Variants in PCDHA3 observed in about 807,000 individuals in gnomAD.
The protein encoded by PCDHA3 is protocadherin alpha-3.
Under a neutral mutation model 62.2 loss-of-function variants are expected in PCDHA3, and 41 were observed. The observed-to-expected ratio is 0.66, with a 90% confidence interval of 0.51 to 0.86. The LOEUF (loss-of-function observed/expected upper bound fraction) is 0.86. Ranked by LOEUF, PCDHA3 falls within the 40% of genes least tolerant of loss-of-function variation. The probability of loss-of-function intolerance (pLI) is 0.00; values close to 1 mark genes in which losing one functional copy is unlikely to be tolerated. For synonymous variants in PCDHA3, 640 were observed against 555.4 expected, an observed-to-expected ratio of 1.15 and a Z score of -2.14; for missense variants, 1,304 against 1,241.2, an observed-to-expected ratio of 1.05 and a Z score of -0.76.
At chr5:140,813,102 C>T (rs2126643889) in intron 1 of PCDHA3, 4 of 152,228 alleles carry the variant, frequency 2.6e-5, no homozygotes, top group African/African-American at 9.6e-5. Flanking sequence ...CTTGAGAAGA[C>T]TGTATATTTG....
At chr5:140,900,954 A>T (rs942765998) in intron 1 of PCDHA3, among the ~76,000 whole-genome samples, 3 of 152,204 alleles carry the variant, frequency 2.0e-5, no homozygotes, top group Non-Finnish European at 2.9e-5. Context: ...TTCTCTGATT[A>T]TCAGTGATGT....
chr5:140,879,097 G>T (rs2057851255), intron 1 of PCDHA3, among the ~76,000 whole-genome samples: 1 of 152,214 alleles, frequency 6.6e-6, no homozygotes, highest in Non-Finnish European at 1.5e-5. Flanking sequence ...CAACTGCACA[G>T]TATATGGTGT....
chr5:140,850,685 C>G lies in PCDHA3; in HGVS notation c.2394+47094C>G, dbSNP rs1390345550. ...GGTGCTCGGCGATGCCCACCGAGGGCGAGTGCGCGCCTGGCAAGCCGACGC... is the reference window on the plus strand; with the variant it reads ...GGTGCTCGGCGATGCCCACCGAGGGGGAGTGCGCGCCTGGCAAGCCGACGC... On this transcript the variant is annotated intron_variant, in intron 1 of 3. Transcript: ENST00000522353. 25 of 1,598,270 alleles carry G rather than the reference C, an allele frequency of 1.6e-5. 2 individuals are homozygous for G. The highest frequency in any genetic ancestry group is 1.7e-4 in the Middle Eastern group (1 of 6,016).
chr5:140,946,634 A>ATATAT (rs1554217761), intron 1 of PCDHA3, among the ~76,000 whole-genome samples: 3 of 147,374 alleles, frequency 2.0e-5, no homozygotes, highest in Admixed American at 6.8e-5. Context: ...ATATATATAC[A>ATATAT]ATGGAATACT....
In PCDHA3 at chr5:140,872,829, G is replaced by GA. The variant is rs1562676145; in HGVS notation, c.2394+69244dup. ...AAGTTTTTCAGATTCATCTAGCAGA[G>GA]AAAAAATTAAATATATTAATGTGAG... is the stretch of plus-strand genomic sequence containing the variant. On this transcript the variant is annotated intron_variant, in intron 1 of 3. Transcript: ENST00000522353. Among the ~76,000 whole-genome samples, 5 of 152,156 alleles carry GA rather than the reference G, an allele frequency of 3.3e-5. No homozygotes were observed. The South Asian group carries it at 8.3e-4, about 25-fold the overall frequency.
rs782773036 is a variant in PCDHA3 at position 140,870,430 on chromosome 5, G to T, written c.2394+66839G>T. 3 of 1,614,226 alleles carry T rather than the reference G, an allele frequency of 1.9e-6. No homozygotes were observed. In the African/African-American group the frequency reaches 4.0e-5, roughly 22 times the overall value. The stretch of plus-strand genomic sequence containing the variant: ...GTGGGCCACGGCCAGGGTATCCGTG[G>T]AGGTGGCCGACGTGAACGACAATGC... On this transcript the variant is annotated intron_variant, in intron 1 of 3. Transcript: ENST00000522353.
chr5:140,855,491 A>G (rs251361), intron 1 of PCDHA3, among the ~76,000 whole-genome samples: 72,952 of 149,084 alleles, frequency 0.49, 20,776 homozygotes, highest in South Asian at 0.61. Flanking sequence ...TTAGTGTCTA[A>G]ATAAACCTTA....
At chr5:140,987,690 T>C (rs4912736) in intron 3 of PCDHA3, among the ~76,000 whole-genome samples, 37,365 of 152,116 alleles carry the variant, frequency 0.25, 5,761 homozygotes, top group East Asian at 0.43. Context: ...AGTAGCTATT[T>C]TTAAATGATT....
chr5:140,932,373 A>T (rs927239233), intron 1 of PCDHA3, among the ~76,000 whole-genome samples: 1 of 151,942 alleles, frequency 6.6e-6, no homozygotes, highest in Non-Finnish European at 1.5e-5. Flanking sequence ...AAATTTCCAC[A>T]TGAAAGTTAT....
At position 140,927,036 on chromosome 5, in the gene PCDHA3, C is replaced by A. The variant is rs137875923; in HGVS notation, c.2395-51913C>A. On this transcript the variant is annotated intron_variant, in intron 1 of 3. Transcript: ENST00000522353. ...CCGCGGACTTGAGGCTGCCAGCGGC[C>A]GCTATGTCCTCGCGGAACTTTCGCT... 9.3e-6 allele frequency: 15 copies of A among 1,612,314 alleles called. No homozygotes were observed. In the East Asian group the frequency reaches 3.3e-4, roughly 36 times the overall value.
intron 1 of PCDHA3, chr5:140,876,809 C>T (rs1554168959): frequency 6.2e-7 from 1 of 1,614,200 alleles, no homozygotes; most frequent in Admixed American, 1.7e-5. Flanking sequence ...GTGGAGGTGG[C>T]CGACGTGAAC....
chr5:140,852,182 A>C, intron 1 of PCDHA3: 1 of 758,132 alleles, frequency 1.3e-6, no homozygotes. Context: ...AATAACTATG[A>C]AAATGCCAGT....
At chr5:140,870,564 G>C (rs782511789) in intron 1 of PCDHA3, 83 of 1,613,882 alleles carry the variant, frequency 5.1e-5, no homozygotes, top group Admixed American at 3.3e-4. Context: ...AGGAGAACGC[G>C]CTGGTGTCCT....
intron 1 of PCDHA3, among the ~76,000 whole-genome samples, chr5:140,818,671 T>C (rs1766414418): frequency 1.3e-5 from 2 of 152,212 alleles, no homozygotes; most frequent in East Asian, 1.9e-4. Context: ...ACTCCATCTT[T>C]ACAAAAAATG....
intron 1 of PCDHA3, chr5:140,858,289 T>C: frequency 6.3e-7 from 1 of 1,597,184 alleles, no homozygotes; most frequent in Non-Finnish European, 8.6e-7. Flanking sequence ...GGAGCTGGTC[T>C]TACTCGCAGC....
chr5:140,830,183 G>C, intron 1 of PCDHA3: 1 of 1,613,640 alleles, frequency 6.2e-7, no homozygotes, highest in Non-Finnish European at 8.5e-7. Flanking sequence ...GGATGTCAAC[G>C]TGTACCTGAT....
intron 1 of PCDHA3, among the ~76,000 whole-genome samples, chr5:140,837,513 T>C (rs1414175460): frequency 1.0e-5 from 1 of 96,810 alleles, no homozygotes. Context: ...CTGAAGCAGT[T>C]TACTTTTTTT....
At chr5:140,969,251 A>T in intron 1 of PCDHA3, 3 of 1,614,262 alleles carry the variant, frequency 1.9e-6, no homozygotes, top group Non-Finnish European at 2.5e-6. Context: ...AGTGACTGAC[A>T]GCAGGAATCT....
At chr5:140,970,810 A>G (rs2096434442) in intron 1 of PCDHA3, among the ~76,000 whole-genome samples, 1 of 152,138 alleles carries the variant, frequency 6.6e-6, no homozygotes. Flanking sequence ...TTACATTTCA[A>G]GTTCATGGTA....
Sources: gnomAD v4.1 joint callset for allele counts (sites outside exome capture counted in the v4.1 genomes callset) on GRCh38, gnomAD v4.1.1 for gene constraint, MANE v1.5 for transcripts, NCBI Gene and HGNC (gene_info 2026-07-23, HGNC 2026-07-21) for gene names.